Variants in DNAH14 observed in about 807,000 individuals in gnomAD.
DNAH14 encodes the protein dynein axonemal heavy chain 14.
DNAH14 carries 478 observed loss-of-function variants against 520.9 expected under a neutral mutation model. The ratio of observed to expected loss-of-function variants is 0.92; its 90% CI spans 0.85 to 0.99. The LOEUF (loss-of-function observed/expected upper bound fraction) is 0.99, where lower values mean the gene tolerates loss of function less well. DNAH14 is among the 50% of genes least tolerant of loss of function. DNAH14 has a pLI of 0.00. For missense variants in DNAH14, 4,831 were observed against 5,234.5 expected (o/e 0.92, Z 2.38); for synonymous variants, 1,581 against 1,757.2 (o/e 0.90, Z 2.51).
At chr1:225,239,088 A>G (rs1258369750) in intron 42 of DNAH14, among the ~76,000 whole-genome samples, 1 of 152,172 alleles carries the variant, frequency 6.6e-6, no homozygotes, top group African/African-American at 2.4e-5. Flanking sequence ...ATTCCAAGTC[A>G]GTGGGTCTTA....
chr1:225,008,850 C>A (rs2064433786), intron 10 of DNAH14, among the ~76,000 whole-genome samples: 1 of 152,070 alleles, frequency 6.6e-6, no homozygotes, highest in Non-Finnish European at 1.5e-5. Flanking sequence ...TTGTTGGCCA[C>A]ATGAATGTCT....
At chr1:224,966,603 A>G (rs562265007) in intron 5 of DNAH14, among the ~76,000 whole-genome samples, 1 of 152,310 alleles carries the variant, frequency 6.6e-6, no homozygotes, top group Admixed American at 6.5e-5. Context: ...ATATGGGTTT[A>G]CAGTCAGACT....
chr1:225,270,018 C>G (rs895999305), intron 49 of DNAH14, among the ~76,000 whole-genome samples: 12 of 152,130 alleles, frequency 7.9e-5, no homozygotes, highest in Non-Finnish European at 1.2e-4. Flanking sequence ...AAGACACATG[C>G]ACACGTATGT....
At chr1:225,273,712 ACTC>A (rs1290211847) in intron 52 of DNAH14, among the ~76,000 whole-genome samples, 2 of 151,432 alleles carry the variant, frequency 1.3e-5, no homozygotes, top group African/African-American at 4.9e-5. Flanking sequence ...CCTCAACAAG[ACTC>A]CTCATCCTTC....
chr1:225,259,438 T>G (rs1427387848), intron 46 of DNAH14, among the ~76,000 whole-genome samples, 185 bp downstream of exon 46: 1 of 152,222 alleles, frequency 6.6e-6, no homozygotes, highest in Non-Finnish European at 1.5e-5. Flanking sequence ...TTTAAACTTT[T>G]ATTTTTAATT....
Position 225,263,201 on chromosome 1 carries a change from TAC to T in DNAH14, c.7158-988_7158-987del, listed in dbSNP as rs1287508127. Among the ~76,000 whole-genome samples, 670 of 150,994 alleles carry T rather than the reference TAC, an allele frequency of 4.4e-3. 4 individuals are homozygous for T. Among genetic ancestry groups the T allele is most frequent in the African/African-American group, 0.015 (637 of 41,204 alleles). On this transcript the variant is annotated intron_variant, in intron 46 of 85. Coordinates refer to ENST00000682510, the MANE Select transcript of DNAH14 (RefSeq NM_001367479.1). ...TATCCTACTATGCGAGATATATATA[TAC>T]ACACACATATATATACATGTATATA... is the stretch of plus-strand genomic sequence containing the variant.
At chr1:225,078,768 A>ATCTC (rs1170812870) in intron 17 of DNAH14, among the ~76,000 whole-genome samples, 8 of 15,672 alleles carry the variant, frequency 5.1e-4, no homozygotes, top group Non-Finnish European at 7.5e-4. Context: ...CCCATTCTCA[A>ATCTC]TCTCTCTCTC....
At chr1:225,007,377 C>T in intron 9 of DNAH14, 36 bp from the exon 10 acceptor site, 1 of 1,415,002 alleles carries the variant, frequency 7.1e-7, no homozygotes, top group South Asian at 1.6e-5. Context: ...TGAATTTTGA[C>T]TTTCTAACAC....
intron 41 of DNAH14, among the ~76,000 whole-genome samples, chr1:225,221,849 C>T (rs2090074162): frequency 6.6e-6 from 1 of 152,156 alleles, no homozygotes; most frequent in South Asian, 2.1e-4. Context: ...CTGATGTTGT[C>T]CTAAAACAGA....
chr1:225,076,599 A>G (rs1043336239), intron 17 of DNAH14, among the ~76,000 whole-genome samples: 1 of 152,154 alleles, frequency 6.6e-6, no homozygotes, highest in Non-Finnish European at 1.5e-5. Flanking sequence ...CCACATAGTG[A>G]CACTATGAAC....
intron 55 of DNAH14, among the ~76,000 whole-genome samples, chr1:225,299,609 A>AT (rs1558307992): frequency 6.6e-6 from 1 of 152,122 alleles, no homozygotes; most frequent in African/African-American, 2.4e-5. Flanking sequence ...CCAGGAGCCC[A>AT]TTGTTCTAAT....
chr1:225,199,919 T>G (rs766313580), intron 38 of DNAH14, among the ~76,000 whole-genome samples: 1 of 152,230 alleles, frequency 6.6e-6, no homozygotes, highest in Non-Finnish European at 1.5e-5. Flanking sequence ...TGTCTAGCAC[T>G]GTCAGTGGAG....
intron 9 of DNAH14, among the ~76,000 whole-genome samples, chr1:225,004,108 T>G (rs1375569389): frequency 1.3e-5 from 2 of 152,110 alleles, no homozygotes; most frequent in Non-Finnish European, 2.9e-5. Flanking sequence ...CCAGACAGTA[T>G]GTAAGTATTT....
At chr1:225,341,110 A>G (rs1452009478) in intron 69 of DNAH14, among the ~76,000 whole-genome samples, 1 of 151,888 alleles carries the variant, frequency 6.6e-6, no homozygotes, top group African/African-American at 2.4e-5. Context: ...ATTTTTCTTT[A>G]TTTTTTATTT....
chr1:225,151,901 A>T, intron 31 of DNAH14, 104 bp from the exon 32 acceptor site: 3 of 961,692 alleles, frequency 3.1e-6, no homozygotes, highest in Non-Finnish European at 4.9e-6. Flanking sequence ...GTTTGCATTT[A>T]AATGTAACAC....
intron 72 of DNAH14, among the ~76,000 whole-genome samples, chr1:225,353,174 T>G (rs1010136307): frequency 1.3e-5 from 2 of 151,966 alleles, no homozygotes; most frequent in African/African-American, 2.4e-5. Flanking sequence ...GAAAATACCA[T>G]AGAAATAAGA....
chr1:225,296,694 A>C (rs991311914), intron 55 of DNAH14, among the ~76,000 whole-genome samples: 3 of 152,074 alleles, frequency 2.0e-5, no homozygotes, highest in Non-Finnish European at 4.4e-5. Context: ...GAATTCCCTC[A>C]GGTTTTGCTT....
chr1:225,107,617 G>A (rs998119838), intron 23 of DNAH14, among the ~76,000 whole-genome samples: 1 of 152,144 alleles, frequency 6.6e-6, no homozygotes, highest in East Asian at 1.9e-4. Flanking sequence ...GACAGAGGCA[G>A]GGGCTCTCCA....
At chr1:225,195,489 C>T (rs1423652232) in intron 38 of DNAH14, among the ~76,000 whole-genome samples, 1 of 148,410 alleles carries the variant, frequency 6.7e-6, no homozygotes, top group African/African-American at 2.5e-5. Flanking sequence ...GAACAATAGA[C>T]ACTGGGGCTT....
Sources: gnomAD v4.1 joint callset for allele counts (sites outside exome capture counted in the v4.1 genomes callset) on GRCh38, gnomAD v4.1.1 for gene constraint, MANE v1.5 for transcripts, NCBI Gene and HGNC (gene_info 2026-07-23, HGNC 2026-07-21) for gene names.